The following ADD3 variants were observed in gnomAD, a reference collection of about 807,000 sequenced individuals.
ADD3 encodes gamma-adducin.
In ADD3, 25 loss-of-function variants were observed where a neutral mutation model predicts 80.2. The observed-to-expected ratio is 0.31, with a 90% CI of 0.23 to 0.44. The LOEUF is 0.44. ADD3 is among the 20% of genes least tolerant of loss of function. The pLI is 1.00. For missense variants in ADD3, 829 were observed against 847.5 expected (o/e 0.98, Z 0.27); for synonymous variants, 284 against 289.6 (o/e 0.98, Z 0.20).
chr10:110,098,876 C>T (rs532380061), intron 1 of ADD3, among the ~76,000 whole-genome samples: 2 of 151,976 alleles, frequency 1.3e-5, no homozygotes, highest in Non-Finnish European at 2.9e-5. Context: ...TGATCTGCCC[C>T]CTTGGCCTCC....
At chr10:110,083,260 T>C (rs913899330) in intron 1 of ADD3, among the ~76,000 whole-genome samples, 5 of 152,066 alleles carry the variant, frequency 3.3e-5, no homozygotes, top group South Asian at 4.1e-4. Context: ...GGACAAATAT[T>C]GGATGGACGG....
At chr10:110,004,138 G>A (rs1375240266), upstream of ADD3, among the ~76,000 whole-genome samples, 4 of 151,936 alleles carry the variant, frequency 2.6e-5, no homozygotes. Flanking sequence ...CCTGGTAGAT[G>A]AAATAAAAAG....
intron 1 of ADD3, among the ~76,000 whole-genome samples, chr10:110,074,973 G>A (rs1564931887): frequency 6.6e-6 from 1 of 152,154 alleles, no homozygotes; most frequent in Non-Finnish European, 1.5e-5. Context: ...CCTGAAACAG[G>A]CGTGTATGTG....
intron 1 of ADD3, among the ~76,000 whole-genome samples, chr10:110,021,932 A>G (rs996569163): frequency 2.6e-5 from 4 of 152,260 alleles, no homozygotes; most frequent in Non-Finnish European, 4.4e-5. Flanking sequence ...ATTCAGATGT[A>G]TGGAAGAATA....
rs187496464 is a variant in ADD3, at chr10:110,075,109, G to A, written c.-29-25516G>A. On this transcript the variant is annotated intron_variant, in intron 1 of 14. Transcript: ENST00000356080. ...TTTAAAGGGACTAACTACACATTGG[G>A]CAAGTAGCTGTGTAGTCCAGAGTAT... Among the ~76,000 whole-genome samples the A allele has an allele frequency of 1.8e-4, 27 of 152,298 alleles. No individual in the cohort carries two copies. In the East Asian group the frequency reaches 5.2e-3, roughly 29 times the overall value.
intron 3 of ADD3, 65 bp downstream of exon 3, chr10:110,112,980 T>C: frequency 2.5e-5 from 38 of 1,528,092 alleles, no homozygotes; most frequent in Non-Finnish European, 3.4e-5. Flanking sequence ...ACTATACATC[T>C]CTAGCAGCAT....
At chr10:110,126,866 G>A (rs990246229) in intron 12 of ADD3, among the ~76,000 whole-genome samples, 32 of 152,272 alleles carry the variant, frequency 2.1e-4, no homozygotes, top group African/African-American at 7.5e-4. Flanking sequence ...TTTCTAAAGA[G>A]CATCTTCTGC....
intron 4 of ADD3, among the ~76,000 whole-genome samples, 156 bp from the exon 5 acceptor site, chr10:110,117,186 T>A (rs1850844110): frequency 1.3e-5 from 2 of 152,166 alleles, no homozygotes; most frequent in African/African-American, 4.8e-5. Context: ...AGGGAAACTT[T>A]AGGAAAGTTT....
chr10:110,013,445 C>G (rs1852563871), intron 1 of ADD3, among the ~76,000 whole-genome samples: 1 of 152,156 alleles, frequency 6.6e-6, no homozygotes, highest in African/African-American at 2.4e-5. Flanking sequence ...TCAATTTTTT[C>G]TGCAGTGGGC....
At chr10:110,112,645 T>C in intron 2 of ADD3, 132 bp from the exon 3 acceptor site, 2 of 1,065,996 alleles carry the variant, frequency 1.9e-6, no homozygotes, top group Non-Finnish European at 2.6e-6. Flanking sequence ...TTTTGTGTTT[T>C]ATATTTGTTT....
intron 3 of ADD3, among the ~76,000 whole-genome samples, chr10:110,114,463 A>G (rs1311725134): frequency 6.6e-6 from 1 of 152,212 alleles, no homozygotes; most frequent in Non-Finnish European, 1.5e-5. Context: ...TTTACAAAGA[A>G]AGGGGCTACA....
intron 1 of ADD3, chr10:110,077,119 G>A (rs927357741): frequency 2.0e-5 from 3 of 152,158 alleles, no homozygotes; most frequent in African/African-American, 4.8e-5. Context: ...CAATTTTTTT[G>A]TAAGTAATGG....
At chr10:110,099,301 TA>T (rs1369330207) in intron 1 of ADD3, among the ~76,000 whole-genome samples, 3 of 152,040 alleles carry the variant, frequency 2.0e-5, no homozygotes, top group African/African-American at 7.2e-5. Context: ...TATTAATATG[TA>T]AAGAAATATG....
chr10:110,022,648 A>G (rs1408461726), intron 1 of ADD3, among the ~76,000 whole-genome samples: 4 of 152,234 alleles, frequency 2.6e-5, no homozygotes, highest in African/African-American at 4.8e-5. Context: ...GAACCAGACA[A>G]AAACCTTAGT....
At chr10:110,107,677 G>A (rs539685155) in intron 2 of ADD3, among the ~76,000 whole-genome samples, 11 of 152,058 alleles carry the variant, frequency 7.2e-5, no homozygotes, top group Middle Eastern at 3.2e-3. Context: ...TACGAAGCTC[G>A]TTTAACTTGA....
chr10:110,084,854 C>A (rs1846510768), intron 1 of ADD3, among the ~76,000 whole-genome samples: 1 of 152,108 alleles, frequency 6.6e-6, no homozygotes, highest in African/African-American at 2.4e-5. Context: ...GTCTGCATTT[C>A]TGTTGTTTTT....
chr10:110,009,133 A>G (rs938296628), intron 1 of ADD3, among the ~76,000 whole-genome samples: 13 of 152,160 alleles, frequency 8.5e-5, no homozygotes, highest in African/African-American at 3.1e-4. Context: ...AAGGAAAACC[A>G]CTAATTTCCT....
intron 1 of ADD3, among the ~76,000 whole-genome samples, chr10:110,084,661 T>C (rs1387766398): frequency 1.3e-5 from 2 of 152,226 alleles, no homozygotes; most frequent in Non-Finnish European, 1.5e-5. Flanking sequence ...GATAATATCT[T>C]ACATCCTTTT....
At chr10:110,048,060 T>C (rs1041630387) in intron 1 of ADD3, among the ~76,000 whole-genome samples, 3 of 152,144 alleles carry the variant, frequency 2.0e-5, no homozygotes, top group Non-Finnish European at 4.4e-5. Flanking sequence ...CAGTGGGAGA[T>C]AGTTAAATCG....
Sources: allele counts gnomAD v4.1 joint callset (sites outside exome capture counted in the v4.1 genomes callset), GRCh38; gene constraint gnomAD v4.1.1; transcripts MANE v1.5; gene names NCBI Gene and HGNC (gene_info 2026-07-23, HGNC 2026-07-21).